Variants in TG observed in about 807,000 individuals in gnomAD.
TG encodes the protein thyroid hormones.
Under a neutral mutation model 324.7 loss-of-function variants are expected in TG, and 270 were observed. The observed-to-expected ratio is 0.83, with a 90% CI of 0.75 to 0.92. The LOEUF is 0.92. Ranked by LOEUF, TG falls within the 40% of genes least tolerant of loss-of-function variation. TG has a pLI of 0.00. For missense variants in TG, 3,591 were observed against 3,456.4 expected (o/e 1.04, Z -0.98); for synonymous variants, 1,401 against 1,327.0 (o/e 1.06, Z -1.21).
chr8:132,981,927 G>A (rs1367672699), intron 34 of TG, among the ~76,000 whole-genome samples: 1 of 152,218 alleles, frequency 6.6e-6, no homozygotes. Context: ...AGAAGGCAGA[G>A]AAGGAGGTGG....
At chr8:133,077,220 A>G (rs1200791519) in intron 41 of TG, among the ~76,000 whole-genome samples, 5 of 152,186 alleles carry the variant, frequency 3.3e-5, no homozygotes. Context: ...GGGAAAGACA[A>G]TCAGCCCTAA....
chr8:133,093,139 CTTT>C (rs752795832), intron 41 of TG, among the ~76,000 whole-genome samples: 30,410 of 146,376 alleles, frequency 0.21, 3,471 homozygotes, highest in Non-Finnish European at 0.27. Context: ...CTTTTCTTTT[CTTT>C]TTTTTTTTTA....
At chr8:132,981,968 A>T (rs554574555) in intron 34 of TG, among the ~76,000 whole-genome samples, 1 of 152,300 alleles carries the variant, frequency 6.6e-6, no homozygotes, top group East Asian at 1.9e-4. Flanking sequence ...GGACTTTGGG[A>T]CCAGAACACA....
At chr8:132,913,706 G>A (rs1350606984) in intron 20 of TG, among the ~76,000 whole-genome samples, 1 of 152,216 alleles carries the variant, frequency 6.6e-6, no homozygotes, top group Non-Finnish European at 1.5e-5. Context: ...TCGCCTGTGA[G>A]TAGTTTGGGG....
At position 132,969,569 on chromosome 8, in the gene TG, G is replaced by C; in HGVS notation, c.5975G>C (p.Gly1992Ala). Residue 1992 changes from glycine to alanine, a missense_variant and splice_region_variant, in exon 32 of 48, where the codon GGG (glycine) becomes GCG (alanine). Transcript: ENST00000220616. ...VPMSEKSISN[G>A]FFECERRCDA... ...ATGTCTGAAAAATCTATTTCTAATG[G>C]GTAAGCTACTTGTGTCTCACCCCTA... 1.9e-6 allele frequency: 3 copies of C among 1,574,534 alleles called. No homozygotes were observed. The highest frequency in any genetic ancestry group is 2.6e-6 in the Non-Finnish European group (3 of 1,144,206).
chr8:132,901,247 A>G, intron 15 of TG, 106 bp from the exon 16 acceptor site: 1 of 1,357,164 alleles, frequency 7.4e-7, no homozygotes, highest in Non-Finnish European at 1.0e-6. Flanking sequence ...AAGGCCCTGC[A>G]GGCAGGTGGG....
intron 41 of TG, among the ~76,000 whole-genome samples, chr8:133,069,110 G>C (rs1843555872): frequency 6.6e-6 from 1 of 152,232 alleles, no homozygotes; most frequent in Non-Finnish European, 1.5e-5. Flanking sequence ...ACTTGAGAAA[G>C]GCAGGTTTCA....
Position 132,882,608 on chromosome 8 carries a change from C to G in TG, c.885C>G (p.Phe295Leu). Residue 295 changes from phenylalanine to leucine, a missense_variant, in exon 7 of 48, where the codon TTC becomes TTG. Coordinates refer to ENST00000220616, the MANE Select transcript of TG (RefSeq NM_003235.5). ...LAVQSVISGR[F>L]RCPTKCEVER... Reference sequence around the variant, plus strand: ...TTCAATCAGTCATCTCTGGCAGATTCCGATGTAAGTAATAAACTGCCAACA... The same window carrying G: ...TTCAATCAGTCATCTCTGGCAGATTGCGATGTAAGTAATAAACTGCCAACA... The G allele has an allele frequency of 1.2e-6, 2 of 1,614,204 alleles. No homozygotes were observed. Among genetic ancestry groups the G allele is most frequent in the African/African-American group, 1.3e-5 (1 of 75,034 alleles).
intron 35 of TG, among the ~76,000 whole-genome samples, chr8:132,992,017 G>A (rs1303694401): frequency 6.6e-6 from 1 of 152,106 alleles, no homozygotes; most frequent in African/African-American, 2.4e-5. Context: ...CTCTCCACAG[G>A]TGCAGGAGGG....
chr8:132,939,858 G>T (rs1429128447), intron 25 of TG, among the ~76,000 whole-genome samples: 1 of 152,068 alleles, frequency 6.6e-6, no homozygotes, highest in Non-Finnish European at 1.5e-5. Flanking sequence ...TGTATTGTTA[G>T]TAGAGACGGG....
intron 8 of TG, among the ~76,000 whole-genome samples, chr8:132,885,657 C>T (rs1002572971): frequency 7.9e-5 from 12 of 152,004 alleles, no homozygotes; most frequent in Non-Finnish European, 1.0e-4. Context: ...TCATTAAATA[C>T]GCATAGGAAT....
intron 22 of TG, among the ~76,000 whole-genome samples, chr8:132,927,467 T>G (rs1451531205): frequency 6.6e-6 from 1 of 152,246 alleles, no homozygotes; most frequent in Non-Finnish European, 1.5e-5. Context: ...CCTTTTATGC[T>G]TTCCTTAAGA....
chr8:132,915,170 G>T (rs1240014504), intron 20 of TG, among the ~76,000 whole-genome samples: 1 of 152,190 alleles, frequency 6.6e-6, no homozygotes, highest in Non-Finnish European at 1.5e-5. Context: ...GCTGCCCCAG[G>T]TGATGTACCA....
At position 132,969,529 on chromosome 8, in the gene TG, A is replaced by G. The variant is rs1270534480; in HGVS notation, c.5935A>G (p.Arg1979Gly). 1 of 1,613,988 alleles carries G rather than the reference A, an allele frequency of 6.2e-7. No homozygotes were observed. The highest frequency in any genetic ancestry group is 2.2e-5 in the East Asian group (1 of 44,874). Residue 1979 changes from arginine (R) to glycine (G), a missense_variant, in exon 32 of 48, where the codon AGA (arginine) becomes GGA (glycine). Coordinates refer to ENST00000220616, the MANE Select transcript of TG (RefSeq NM_003235.5). Reference protein sequence around the residue: ...PFQKLMGISIRNKVPMSEKSI... With the variant: ...PFQKLMGISIGNKVPMSEKSI... The stretch of plus-strand genomic sequence containing the variant: ...CCAAAAACTGATGGGGATATCCATT[A>G]GAAATAAAGTGCCCATGTCTGAAAA...
intron 25 of TG, among the ~76,000 whole-genome samples, chr8:132,938,111 T>C (rs1228529437): frequency 6.6e-6 from 1 of 152,158 alleles, no homozygotes; most frequent in Admixed American, 6.5e-5. Flanking sequence ...GTTTCTCCTC[T>C]GTAAAATGGG....
At chr8:132,966,536 G>T in intron 29 of TG, 24 bp from the exon 30 acceptor site, 1 of 1,613,842 alleles carries the variant, frequency 6.2e-7, no homozygotes, top group Non-Finnish European at 8.5e-7. Flanking sequence ...GGTGCAGGAA[G>T]TTGACTCCCT....
intron 41 of TG, among the ~76,000 whole-genome samples, chr8:133,063,038 C>T (rs1842599943): frequency 6.6e-6 from 1 of 152,210 alleles, no homozygotes; most frequent in East Asian, 1.9e-4. Context: ...TCACCGAGGC[C>T]TTTGGGCTTC....
intron 27 of TG, among the ~76,000 whole-genome samples, chr8:132,951,502 A>G (rs1217009477): frequency 6.6e-6 from 1 of 152,344 alleles, no homozygotes. Flanking sequence ...GAATTGCTCA[A>G]CCCAGAGCAT....
chr8:133,007,911 C>G (rs1834167465), intron 35 of TG, among the ~76,000 whole-genome samples: 1 of 151,806 alleles, frequency 6.6e-6, no homozygotes, highest in Admixed American at 6.6e-5. Flanking sequence ...CCATACCCCA[C>G]TAAAAGGATA....
Sources: allele counts gnomAD v4.1 joint callset (sites outside exome capture counted in the v4.1 genomes callset), GRCh38; gene constraint gnomAD v4.1.1; transcripts MANE v1.5; gene names NCBI Gene and HGNC (gene_info 2026-07-23, HGNC 2026-07-21).